The following AK6 variants were observed in gnomAD, a reference collection of about 807,000 sequenced individuals.
AK6 encodes adenylate kinase 6.
In AK6, 24 loss-of-function variants were observed where a neutral mutation model predicts 23.7. The ratio of observed to expected loss-of-function variants is 1.01; its 90% CI spans 0.73 to 1.43. AK6 has a LOEUF of 1.43. Among genes scored for constraint, AK6 ranks in the 40% most tolerant of loss-of-function variants. The pLI is 0.00. For synonymous variants in AK6, 73 were observed against 69.8 expected (o/e 1.05, Z -0.23); for missense variants, 191 against 199.1 (o/e 0.96, Z 0.24).
intron 2 of AK6, chr5:69,365,785 T>TA (rs777730849): frequency 1.4e-6 from 2 of 1,412,540 alleles, no homozygotes; most frequent in Non-Finnish European, 1.9e-6. Flanking sequence ...ATATGTACAT[T>TA]AGATCAATCT....
At chr5:69,360,655 G>C (rs1002416069) in intron 2 of AK6, among the ~76,000 whole-genome samples, 1 of 152,140 alleles carries the variant, frequency 6.6e-6, no homozygotes, top group Non-Finnish European at 1.5e-5. Flanking sequence ...AAGACCAGAG[G>C]CAAAGATAGG....
At chr5:69,365,430 G>A (rs753075577) in intron 2 of AK6, 3 of 1,614,084 alleles carry the variant, frequency 1.9e-6, no homozygotes, top group South Asian at 1.1e-5. Context: ...CAATGGCAAA[G>A]GGGTTTGATT....
chr5:69,358,508 A>ACT (rs1353476677), intron 2 of AK6, among the ~76,000 whole-genome samples: 1 of 128,942 alleles, frequency 7.8e-6, no homozygotes, highest in Non-Finnish European at 1.6e-5. Context: ...ACAGAGCAAG[A>ACT]CTCTGTCTCA....
In AK6 at chr5:69,351,934, C is replaced by A. The variant is rs948291351; in HGVS notation, c.*127G>T. On this transcript the variant is annotated 3_prime_UTR_variant, in exon 5 of 5. Transcript: ENST00000380822. ...GGAGAAAAAGAAACACAGGCATAAA[C>A]CTATATACTATCCACCTGCTGGTTC... The A allele has an allele frequency of 1.4e-6, 1 of 699,606 alleles. No individual in the cohort carries two copies. The highest frequency in any genetic ancestry group is 2.3e-6 in the Non-Finnish European group (1 of 435,752). 43.3% of individuals were successfully genotyped at this position (699,606 alleles called of 1,614,324 possible). A position where few individuals can be genotyped will look rare whatever the true frequency, so the allele number is the denominator to read the frequency against.
At chr5:69,362,824 G>C (rs1762276805) in intron 2 of AK6, among the ~76,000 whole-genome samples, 1 of 152,132 alleles carries the variant, frequency 6.6e-6, no homozygotes, top group Non-Finnish European at 1.5e-5. Context: ...CTTTTATCTG[G>C]CATTACAGGA....
chr5:69,365,799 A>C, intron 2 of AK6: 2 of 1,353,294 alleles, frequency 1.5e-6, no homozygotes, highest in Non-Finnish European at 2.0e-6. Context: ...TCAATCTGAA[A>C]TAGTTACTTT....
At chr5:69,365,573 T>G (rs1375739918) in intron 2 of AK6, 1 of 1,614,052 alleles carries the variant, frequency 6.2e-7, no homozygotes. Context: ...TTGAATAAAT[T>G]TTTGCATCAT....
At chr5:69,353,648 CA>C (rs1212470678) in intron 4 of AK6, among the ~76,000 whole-genome samples, 5 of 151,904 alleles carry the variant, frequency 3.3e-5, no homozygotes, top group African/African-American at 9.7e-5. Flanking sequence ...TTTTGATATA[CA>C]AAAAAACAAA....
At chr5:69,362,546 TGA>T (rs1180832091) in intron 2 of AK6, among the ~76,000 whole-genome samples, 6 of 152,066 alleles carry the variant, frequency 3.9e-5, no homozygotes, top group African/African-American at 1.2e-4. Context: ...CCAGCACTTT[TGA>T]GAGGTCAAGG....
chr5:69,362,671 C>A (rs749764805), intron 2 of AK6, among the ~76,000 whole-genome samples: 17 of 151,882 alleles, frequency 1.1e-4, no homozygotes, highest in South Asian at 6.2e-4. Flanking sequence ...CACTTGAGCC[C>A]GGGAGGCTGG....
At chr5:69,365,742 T>G (rs747145817) in intron 2 of AK6, 2 of 1,529,116 alleles carry the variant, frequency 1.3e-6, no homozygotes, top group Non-Finnish European at 1.8e-6. Context: ...CTCCATGATA[T>G]CCGATGATCA....
chr5:69,363,506 T>A (rs568991419), intron 2 of AK6, among the ~76,000 whole-genome samples: 2 of 152,214 alleles, frequency 1.3e-5, no homozygotes, highest in South Asian at 4.1e-4. Flanking sequence ...AAGGCCGGGC[T>A]GGGCGCGGTG....
intron 4 of AK6, among the ~76,000 whole-genome samples, chr5:69,354,505 G>C (rs1762031082): frequency 6.6e-6 from 1 of 152,192 alleles, no homozygotes; most frequent in African/African-American, 2.4e-5. Context: ...TTTCCTTTCT[G>C]AGATTGCTCT....
upstream of AK6, chr5:69,369,701 C>T: frequency 6.4e-7 from 1 of 1,552,486 alleles, no homozygotes; most frequent in Non-Finnish European, 8.7e-7. Flanking sequence ...GGAGGGTGGG[C>T]ATAACTCGGG....
Position 69,352,138 on chromosome 5 carries a change from T to C in AK6, c.442A>G (p.Lys148Glu). The C allele has an allele frequency of 5.0e-6, 8 of 1,613,908 alleles. No homozygotes were observed. The highest frequency in any genetic ancestry group is 6.8e-6 in the Non-Finnish European group (8 of 1,179,902). ...ACATTATTTTCTAGCTCTTCTGGTT[T>C]ATTACTGGGCAGCTGATGCACGATT... is the stretch of plus-strand genomic sequence containing the variant. ...EEIVHQLPSN[K>E]PEELENNVDQ... is the part of the protein sequence containing the mutation. The change falls in exon 5 of 5, where the codon AAA (lysine) becomes GAA (glutamate). Residue 148 changes from lysine to glutamate, a missense_variant. By Grantham distance (56) the Lys-to-Glu change is moderately conservative. Transcript: ENST00000380822.
At chr5:69,353,257 G>C (rs905030693) in intron 4 of AK6, among the ~76,000 whole-genome samples, 3 of 152,086 alleles carry the variant, frequency 2.0e-5, no homozygotes, top group Non-Finnish European at 2.9e-5. Context: ...GGGTAAATGG[G>C]GAGTGACTAC....
chr5:69,369,494 C>A lies in AK6; in HGVS notation c.-4G>T, dbSNP rs750739293. ...GCAGGATGTTCGGAAGCAACATGGT[C>A]CCCGCCGCGACGGCTTCGGGCGCCT... On this transcript the variant is annotated 5_prime_UTR_variant, in exon 1 of 5. Coordinates refer to ENST00000380822, the MANE Select transcript of AK6 (RefSeq NM_016283.5). 6.2e-7 allele frequency: 1 copy of A among 1,611,580 alleles called. No homozygotes were observed. Among genetic ancestry groups the A allele is most frequent in the Non-Finnish European group, 8.5e-7 (1 of 1,179,348 alleles).
rs543801651 is a variant in AK6, at chr5:69,356,448, A to G, written c.122-495T>C. On this transcript the variant is annotated intron_variant, in intron 2 of 4. Coordinates refer to ENST00000380822, the MANE Select transcript of AK6 (RefSeq NM_016283.5). ...AGGATCTCTTGAGCCCAGGAGTTCA[A>G]GACAGCCTGGGCAATATGTTGAGAA... Among the ~76,000 whole-genome samples the G allele has an allele frequency of 3.1e-3, 469 of 152,020 alleles. 4 individuals carry two copies. The highest frequency in any genetic ancestry group is 0.011 in the African/African-American group (458 of 41,434).
chr5:69,365,664 T>A, intron 2 of AK6: 2 of 1,610,010 alleles, frequency 1.2e-6, no homozygotes, highest in Non-Finnish European at 8.5e-7. Flanking sequence ...AATCCCCATA[T>A]CCTTCAGGAT....
Sources: allele counts gnomAD v4.1 joint callset (sites outside exome capture counted in the v4.1 genomes callset), GRCh38; gene constraint gnomAD v4.1.1; transcripts MANE v1.5; gene names NCBI Gene and HGNC (gene_info 2026-07-23, HGNC 2026-07-21).